ZNF385D: variants seen among roughly 807,000 people sequenced by gnomAD.
ZNF385D encodes zinc finger protein 659.
ZNF385D carries 15 observed loss-of-function variants against 35.8 expected under a neutral mutation model. The ratio of observed to expected loss-of-function variants is 0.42; its 90% confidence interval spans 0.28 to 0.64. The LOEUF (loss-of-function observed/expected upper bound fraction) is 0.64, where lower values mean the gene tolerates loss of function less well. Among genes scored for constraint, ZNF385D ranks in the 30% least tolerant of loss-of-function variants. The pLI is 0.23. For synonymous variants in ZNF385D, 212 were observed against 186.8 expected (o/e 1.13, Z -1.10); for missense variants, 474 against 494.6 (o/e 0.96, Z 0.39).
intron 3 of ZNF385D, among the ~76,000 whole-genome samples, chr3:21,908,369 T>A (rs1018760679): frequency 6.6e-6 from 1 of 152,104 alleles, no homozygotes; most frequent in African/African-American, 2.4e-5. Context: ...ACCTTTCCTA[T>A]TGAGATTGGT....
intron 2 of ZNF385D, among the ~76,000 whole-genome samples, chr3:22,211,451 G>T (rs574826079): frequency 6.6e-6 from 1 of 152,028 alleles, no homozygotes; most frequent in Admixed American, 6.6e-5. Context: ...GTTATGTGTG[G>T]TTAGCTGGTC....
In ZNF385D at chr3:22,205,966, T is replaced by C. The variant is rs187485482; in HGVS notation, c.107-36931A>G. On this transcript the variant is annotated intron_variant, in intron 2 of 5. Transcript: ENST00000494108. ...TCCCCATCAAAAGACATAGAGTGGCTGATTGTATTCAAAAAGACCCAACTC... is the reference window on the plus strand; with the variant it reads ...TCCCCATCAAAAGACATAGAGTGGCCGATTGTATTCAAAAAGACCCAACTC... 2.8e-3 allele frequency among the ~76,000 whole-genome samples: 423 copies of C among 152,046 alleles called. 1 individual carries two copies. The highest frequency in any genetic ancestry group is 1.0e-2 in the African/African-American group (414 of 41,554).
At chr3:22,297,132 T>G (rs976035165) in intron 2 of ZNF385D, among the ~76,000 whole-genome samples, 3 of 152,048 alleles carry the variant, frequency 2.0e-5, no homozygotes, top group Non-Finnish European at 4.4e-5. Context: ...TATAATCTCC[T>G]AAGGACCTAA....
At chr3:21,958,929 A>G (rs1702433848) in intron 3 of ZNF385D, 1 of 152,194 alleles carries the variant, frequency 6.6e-6, no homozygotes, top group African/African-American at 2.4e-5. Context: ...GCCAGGTGAG[A>G]AAATATAAAC....
At chr3:22,272,422 C>A (rs1339335576) in intron 2 of ZNF385D, among the ~76,000 whole-genome samples, 1 of 151,822 alleles carries the variant, frequency 6.6e-6, no homozygotes, top group Non-Finnish European at 1.5e-5. Context: ...AGGACATTAC[C>A]CATAATGAAC....
intron 2 of ZNF385D, among the ~76,000 whole-genome samples, chr3:22,293,588 A>T (rs1249791861): frequency 1.3e-5 from 2 of 152,132 alleles, no homozygotes; most frequent in East Asian, 3.9e-4. Flanking sequence ...CAGTGGATAG[A>T]TAACATATTT....
intron 3 of ZNF385D, among the ~76,000 whole-genome samples, chr3:21,820,787 C>G (rs962486996): frequency 2.7e-5 from 4 of 148,626 alleles, no homozygotes; most frequent in African/African-American, 9.9e-5. Context: ...CAGAAAACCC[C>G]AAGAAGTCTG....
chr3:21,801,303 T>C (rs2072388183), intron 3 of ZNF385D, among the ~76,000 whole-genome samples: 1 of 152,156 alleles, frequency 6.6e-6, no homozygotes, highest in African/African-American at 2.4e-5. Context: ...GATGTCTTTA[T>C]CTGGTTTTGA....
chr3:21,570,071 A>AT lies in ZNF385D; in HGVS notation c.166-5388_166-5387insA, dbSNP rs1351612422. On this transcript the variant is annotated intron_variant, in intron 2 of 7. Transcript: ENST00000281523. ...TTAAAGTATAATAATAATAATAATA[A>AT]AAAAAATTACACCTTAAAAAAAAAG... Among the ~76,000 whole-genome samples the AT allele has an allele frequency of 7.9e-5, 12 of 151,298 alleles. 1 individual carries two copies. Among genetic ancestry groups the AT allele is most frequent in the Admixed American group, 2.0e-4 (3 of 15,160 alleles).
chr3:21,582,360 G>A (rs1244222568), intron 2 of ZNF385D, among the ~76,000 whole-genome samples: 3 of 151,986 alleles, frequency 2.0e-5, no homozygotes, highest in African/African-American at 4.8e-5. Context: ...ATAAAACAAG[G>A]GCTATTAAAA....
intron 4 of ZNF385D, among the ~76,000 whole-genome samples, chr3:21,492,385 TAAACAAACAA>T (rs1195174549): frequency 1.1e-5 from 1 of 90,984 alleles, no homozygotes; most frequent in Non-Finnish European, 2.4e-5. Context: ...TGGTTTTTTA[TAAACAAACAA>T]AAACAAACAA....
intron 2 of ZNF385D, among the ~76,000 whole-genome samples, chr3:22,362,946 A>G (rs930933528): frequency 6.6e-6 from 1 of 152,120 alleles, no homozygotes; most frequent in South Asian, 2.1e-4. Flanking sequence ...AAGAGTAATA[A>G]AACAAAATCT....
intron 3 of ZNF385D, among the ~76,000 whole-genome samples, chr3:21,908,359 AC>A (rs1231617680): frequency 1.5e-4 from 23 of 152,250 alleles, no homozygotes; most frequent in Middle Eastern, 3.4e-3. Context: ...ACAGATAGAT[AC>A]CTTTCCTATT....
intron 2 of ZNF385D, among the ~76,000 whole-genome samples, chr3:21,608,023 G>GTTTTTTTTTTTTTTTTTTT (rs572518584): frequency 1.7e-5 from 2 of 120,218 alleles, no homozygotes; most frequent in Admixed American, 9.2e-5. Context: ...TTTTTTTTTT[G>GTTTTTTTTTTTTTTTTTTT]TTTTTTTTTT....
At chr3:22,006,517 G>A (rs180923081) in intron 3 of ZNF385D, among the ~76,000 whole-genome samples, 54 of 151,980 alleles carry the variant, frequency 3.6e-4, no homozygotes, top group Non-Finnish European at 6.9e-4. Flanking sequence ...TTTGATTACA[G>A]TAATAAATGA....
intron 3 of ZNF385D, among the ~76,000 whole-genome samples, chr3:22,121,632 T>C (rs960263074): frequency 9.3e-5 from 14 of 151,042 alleles, no homozygotes; most frequent in African/African-American, 3.4e-4. Flanking sequence ...CTCATGTTCC[T>C]GGGCTTGCAA....
At chr3:22,348,485 T>TAAA (rs1168729541) in intron 2 of ZNF385D, among the ~76,000 whole-genome samples, 1,803 of 84,774 alleles carry the variant, frequency 0.021, 39 homozygotes, top group Non-Finnish European at 0.028. Flanking sequence ...CCATCTCTAC[T>TAAA]AAAAAAAAAA....
At chr3:21,783,360 G>A (rs74647648) in intron 3 of ZNF385D, among the ~76,000 whole-genome samples, 28 of 152,212 alleles carry the variant, frequency 1.8e-4, no homozygotes, top group African/African-American at 6.5e-4. Context: ...TGGAACAGAG[G>A]GAAAAAGGAG....
At chr3:21,965,005 G>A (rs138601658) in intron 3 of ZNF385D, among the ~76,000 whole-genome samples, 1 of 152,112 alleles carries the variant, frequency 6.6e-6, no homozygotes, top group African/African-American at 2.4e-5. Context: ...AGTTACATTT[G>A]TATCTTAATA....
Sources: gnomAD v4.1 joint callset for allele counts (sites outside exome capture counted in the v4.1 genomes callset) on GRCh38, gnomAD v4.1.1 for gene constraint, MANE v1.5 for transcripts, NCBI Gene and HGNC (gene_info 2026-07-23, HGNC 2026-07-21) for gene names.